Variants in SPINK8 observed in about 807,000 individuals in gnomAD.
SPINK8 encodes the protein serine peptidase inhibitor Kazal type 8 (putative), also known as serine protease inhibitor Kazal-type 8.
A neutral mutation model predicts 14.4 loss-of-function variants in SPINK8; 12 were observed. That is an observed-to-expected ratio of 0.83 (90% CI 0.53 to 1.35). The LOEUF is 1.35. Among genes scored for constraint, SPINK8 ranks in the 40% most tolerant of loss-of-function variants. The probability of loss-of-function intolerance (pLI) is 0.00; values close to 1 mark genes in which losing one functional copy is unlikely to be tolerated. For synonymous variants in SPINK8, 32 were observed against 37.6 expected, an observed-to-expected ratio of 0.85 and a Z score of 0.55; for missense variants, 103 against 117.0, an observed-to-expected ratio of 0.88 and a Z score of 0.55.
chr3:48,312,513 G>A (rs2035935177), intron 6 of SPINK8, among the ~76,000 whole-genome samples: 1 of 151,720 alleles, frequency 6.6e-6, no homozygotes, highest in Non-Finnish European at 1.5e-5. Flanking sequence ...CTTGGTGGTG[G>A]GCACCTGTAA....
chr3:48,321,102 G>A (rs375962447), intron 4 of SPINK8, 28 bp from the exon 5 acceptor site: 27 of 1,561,596 alleles, frequency 1.7e-5, no homozygotes, highest in Non-Finnish European at 2.1e-5. Context: ...ATACAGAAAA[G>A]TTGCTTCTCT....
At chr3:48,313,534 A>G (rs13069029) in intron 6 of SPINK8, among the ~76,000 whole-genome samples, 32,751 of 152,218 alleles carry the variant, frequency 0.22, 4,336 homozygotes, top group South Asian at 0.3. Context: ...AAAATGGTTC[A>G]GCCCCTATAG....
chr3:48,325,790 G>A (rs2036132121), intron 4 of SPINK8, among the ~76,000 whole-genome samples: 1 of 151,834 alleles, frequency 6.6e-6, no homozygotes, highest in Non-Finnish European at 1.5e-5. Flanking sequence ...TAGAGATGGG[G>A]TTTCTCCAAG....
intron 4 of SPINK8, among the ~76,000 whole-genome samples, chr3:48,324,656 A>C (rs1247216282): frequency 6.6e-6 from 1 of 152,222 alleles, no homozygotes; most frequent in Non-Finnish European, 1.5e-5. Flanking sequence ...TAGAAAAATT[A>C]CTTTACATGA....
At chr3:48,312,509 G>A (rs984023710) in intron 6 of SPINK8, among the ~76,000 whole-genome samples, 4 of 151,826 alleles carry the variant, frequency 2.6e-5, no homozygotes, top group African/African-American at 9.7e-5. Flanking sequence ...CAGGCTTGGT[G>A]GTGGGCACCT....
chr3:48,328,008 A>G (rs1230892551), intron 4 of SPINK8, among the ~76,000 whole-genome samples: 3 of 152,202 alleles, frequency 2.0e-5, no homozygotes, highest in Admixed American at 2.0e-4. Flanking sequence ...CTAGAAATGT[A>G]CATTTCTGAG....
intron 7 of SPINK8, among the ~76,000 whole-genome samples, chr3:48,307,929 T>C (rs962344696): frequency 1.3e-5 from 2 of 151,438 alleles, no homozygotes; most frequent in African/African-American, 4.9e-5. Context: ...ATCACTGAGT[T>C]TGTGCAATGA....
intron 2 of SPINK8, among the ~76,000 whole-genome samples, chr3:48,329,932 A>T (rs2036226248): frequency 6.6e-6 from 1 of 152,238 alleles, no homozygotes; most frequent in South Asian, 2.1e-4. Context: ...CATTTCCCTT[A>T]AATGATAGCT....
intron 6 of SPINK8, among the ~76,000 whole-genome samples, chr3:48,317,918 T>G (rs1320883231): frequency 6.6e-6 from 1 of 152,130 alleles, no homozygotes; most frequent in African/African-American, 2.4e-5. Context: ...TTTTTTAATT[T>G]TTTTTTGTAG....
At chr3:48,307,541 A>AC (rs1311820274) in intron 7 of SPINK8, among the ~76,000 whole-genome samples, 1 of 42,426 alleles carries the variant, frequency 2.4e-5, no homozygotes, top group Admixed American at 2.7e-4. Context: ...TCTGCCCCCC[A>AC]CCCCCCCACC....
intron 6 of SPINK8, among the ~76,000 whole-genome samples, chr3:48,315,442 C>T (rs1025300478): frequency 4.6e-5 from 7 of 152,050 alleles, no homozygotes; most frequent in South Asian, 2.1e-4. Context: ...AGAACTGGGC[C>T]GGGTGTGGTG....
intron 6 of SPINK8, among the ~76,000 whole-genome samples, 192 bp downstream of exon 6, chr3:48,319,305 G>T (rs980190651): frequency 1.1e-4 from 16 of 152,156 alleles, no homozygotes; most frequent in African/African-American, 3.6e-4. Flanking sequence ...TTTCTGCATT[G>T]TCTGAATAGG....
intron 5 of SPINK8, 101 bp downstream of exon 5, chr3:48,320,924 C>A (rs2036064732): frequency 1.7e-6 from 2 of 1,153,306 alleles, no homozygotes; most frequent in Admixed American, 2.3e-5. Flanking sequence ...CCCATGCAAG[C>A]CCCCTCCACT....
chr3:48,315,191 T>C (rs906626621), intron 6 of SPINK8, among the ~76,000 whole-genome samples: 2 of 152,150 alleles, frequency 1.3e-5, no homozygotes, highest in African/African-American at 2.4e-5. Flanking sequence ...AACTAACACA[T>C]GGCAACAACA....
intron 7 of SPINK8, among the ~76,000 whole-genome samples, chr3:48,307,448 T>A (rs2035863997): frequency 6.6e-6 from 1 of 150,634 alleles, no homozygotes; most frequent in Non-Finnish European, 1.5e-5. Context: ...TTCCACTTCC[T>A]CTTCCTCCCT....
At chr3:48,321,146 G>A (rs1227608941) in intron 4 of SPINK8, 72 bp from the exon 5 acceptor site, 8 of 1,472,902 alleles carry the variant, frequency 5.4e-6, no homozygotes, top group Non-Finnish European at 7.3e-6. Flanking sequence ...GTAAGATGAG[G>A]GGAACCCTAG....
intron 2 of SPINK8, among the ~76,000 whole-genome samples, chr3:48,330,303 G>A (rs921986521): frequency 2.0e-5 from 3 of 152,164 alleles, no homozygotes; most frequent in African/African-American, 7.2e-5. Flanking sequence ...CGGATCGCTT[G>A]AGGCTAGGAG....
chr3:48,311,169 A>G (rs1370843360), intron 6 of SPINK8, among the ~76,000 whole-genome samples: 1 of 152,228 alleles, frequency 6.6e-6, no homozygotes, highest in Non-Finnish European at 1.5e-5. Context: ...AAACATACAC[A>G]CATAATATTC....
intron 7 of SPINK8, among the ~76,000 whole-genome samples, chr3:48,308,352 T>TCAA (rs1213985599): frequency 6.6e-6 from 1 of 152,188 alleles, no homozygotes; most frequent in Non-Finnish European, 1.5e-5. Flanking sequence ...ATTAATTATA[T>TCAA]CAACAATTTC....
Sources: gnomAD v4.1 joint callset for allele counts (sites outside exome capture counted in the v4.1 genomes callset) on GRCh38, gnomAD v4.1.1 for gene constraint, MANE v1.5 for transcripts, NCBI Gene and HGNC (gene_info 2026-07-23, HGNC 2026-07-21) for gene names.